RALYL: variants seen among roughly 807,000 people sequenced by gnomAD.
RALYL encodes the protein RALY RNA binding protein like.
RALYL carries 29 observed loss-of-function variants against 35.1 expected under a neutral mutation model. The observed-to-expected ratio is 0.83, with a 90% CI of 0.61 to 1.13. The LOEUF is 1.13. Among genes scored for constraint, RALYL ranks in the 50% most tolerant of loss-of-function variants. The probability of loss-of-function intolerance (pLI) is 0.00; values close to 1 mark genes in which losing one functional copy is unlikely to be tolerated. For missense variants in RALYL, 359 were observed against 360.4 expected (o/e 1.00, Z 0.03); for synonymous variants, 120 against 127.6 (o/e 0.94, Z 0.40).
intron 1 of RALYL, among the ~76,000 whole-genome samples, chr8:84,386,838 T>G (rs1859311616): frequency 6.6e-6 from 1 of 151,888 alleles, no homozygotes; most frequent in Non-Finnish European, 1.5e-5. Flanking sequence ...ATTCTAAACC[T>G]CACGGAGAGC....
rs754063697 is a variant in RALYL, at chr8:84,862,436, G to C, written c.554G>C (p.Gly185Ala). The change falls in exon 6 of 9, where the codon GGG becomes GCG. Residue 185 changes from glycine to alanine, a missense_variant. Physicochemically the swap from Gly to Ala is moderately conservative, Grantham distance 60 (BLOSUM62 0). Coordinates refer to ENST00000521268, the MANE Select transcript of RALYL (RefSeq NM_173848.7). The part of the protein sequence containing the change: ...MKGGSRSTAS[G>A]STGSKLKSDE... ...GGTGGATCGAGATCTACTGCCAGTG[G>C]GTCAACAGGTTCTAAATGTAAGTAA... is the stretch of plus-strand genomic sequence containing the variant. 4 of 1,597,830 alleles carry C rather than the reference G, an allele frequency of 2.5e-6. No homozygotes were observed. Among genetic ancestry groups the C allele is most frequent in the Non-Finnish European group, 3.4e-6 (4 of 1,173,756 alleles).
intron 1 of RALYL, among the ~76,000 whole-genome samples, chr8:84,325,884 C>G (rs1398545041): frequency 6.6e-6 from 1 of 152,098 alleles, no homozygotes; most frequent in African/African-American, 2.4e-5. Context: ...AATTCTTACA[C>G]TTTGGGAGGC....
At chr8:84,336,853 G>A (rs1486985751) in intron 1 of RALYL, among the ~76,000 whole-genome samples, 1 of 151,984 alleles carries the variant, frequency 6.6e-6, no homozygotes, top group Non-Finnish European at 1.5e-5. Flanking sequence ...ATGTAGTGGA[G>A]CAGAAATGAT....
intron 1 of RALYL, among the ~76,000 whole-genome samples, chr8:84,236,754 T>C (rs186857216): frequency 1.3e-5 from 2 of 152,152 alleles, no homozygotes; most frequent in South Asian, 2.1e-4. Context: ...TTTCACTGTG[T>C]CAAAAAATGA....
At chr8:84,254,132 G>T (rs1028958439) in intron 1 of RALYL, among the ~76,000 whole-genome samples, 1 of 152,186 alleles carries the variant, frequency 6.6e-6, no homozygotes, top group Non-Finnish European at 1.5e-5. Context: ...ACTTCCCAGA[G>T]ATTGTAACTT....
chr8:84,414,570 C>T (rs2044433796), intron 1 of RALYL, among the ~76,000 whole-genome samples: 1 of 152,042 alleles, frequency 6.6e-6, no homozygotes, highest in African/African-American at 2.4e-5. Context: ...TGATTTCGAG[C>T]ATATTTGACG....
chr8:84,472,502 A>C (rs1352121806), intron 1 of RALYL, among the ~76,000 whole-genome samples: 1 of 152,208 alleles, frequency 6.6e-6, no homozygotes, highest in Non-Finnish European at 1.5e-5. Context: ...GAGGTCAAGA[A>C]ATGTACCTTA....
At chr8:84,439,609 G>C (rs556629253) in intron 1 of RALYL, among the ~76,000 whole-genome samples, 1 of 151,842 alleles carries the variant, frequency 6.6e-6, no homozygotes, top group Admixed American at 6.6e-5. Context: ...TATTTTCTGC[G>C]TCATGGAGAT....
intron 1 of RALYL, among the ~76,000 whole-genome samples, chr8:84,343,475 T>A (rs796066646): frequency 3.4e-4 from 52 of 152,270 alleles, no homozygotes; most frequent in African/African-American, 1.1e-3. Flanking sequence ...ATAAGCCGTC[T>A]TATATTTTAC....
At chr8:84,676,955 C>T (rs1000656435) in intron 2 of RALYL, among the ~76,000 whole-genome samples, 4 of 152,108 alleles carry the variant, frequency 2.6e-5, no homozygotes, top group Non-Finnish European at 4.4e-5. Flanking sequence ...GCACATGCCA[C>T]CACACCTGGC....
rs376464232 is a variant in RALYL at position 84,488,280 on chromosome 8, C to T, written c.-23-41019C>T. ...AATATTGCACTTGTCCAATTAATTG[C>T]ATGAGTTATCCCCTATCTATTTTAC... On this transcript the variant is annotated intron_variant, in intron 1 of 8. Transcript: ENST00000521268. Among the ~76,000 whole-genome samples, 120 of 152,176 alleles carry T rather than the reference C, an allele frequency of 7.9e-4. 1 individual carries two copies. The Middle Eastern group carries it at 0.01, about 13-fold the overall frequency.
chr8:84,875,513 C>T (rs1367151310), intron 7 of RALYL, among the ~76,000 whole-genome samples: 1 of 149,396 alleles, frequency 6.7e-6, no homozygotes, highest in Non-Finnish European at 1.5e-5. Context: ...TAAACTTTTA[C>T]AGTCATGAGA....
chr8:84,527,033 A>C (rs1215027569), intron 1 of RALYL, among the ~76,000 whole-genome samples: 1 of 152,212 alleles, frequency 6.6e-6, no homozygotes, highest in Admixed American at 6.5e-5. Flanking sequence ...GTAATAGAAA[A>C]GATATTAAAC....
At chr8:84,544,076 C>T (rs2060197389) in intron 2 of RALYL, among the ~76,000 whole-genome samples, 1 of 151,788 alleles carries the variant, frequency 6.6e-6, no homozygotes, top group African/African-American at 2.4e-5. Flanking sequence ...GCAGAATATT[C>T]CAGAGAATAT....
At chr8:84,800,635 T>G (rs1046550661) in intron 3 of RALYL, among the ~76,000 whole-genome samples, 1 of 83,824 alleles carries the variant, frequency 1.2e-5, no homozygotes, top group South Asian at 5.9e-4. Context: ...AAGTAAATCT[T>G]AGGAAAGATA....
rs1374536708 is a variant in RALYL at position 84,184,087 on chromosome 8, C to T, written c.-361C>T. ...TTTTGGAAGCCGGTGAAAACAAATT[C>T]GTTTTTTTTCCCTCCTGTTTTTGAT... On this transcript the variant is annotated 5_prime_UTR_variant, in exon 1 of 9. Coordinates refer to ENST00000521268, the MANE Select transcript of RALYL (RefSeq NM_173848.7). 6.6e-6 allele frequency: 1 copy of T among 152,004 alleles called. No individual in the cohort carries two copies. The highest frequency in any genetic ancestry group is 1.5e-5 in the Non-Finnish European group (1 of 67,984). The allele number at this position is 152,004 out of a possible 1,614,324, so 9.4% of individuals were successfully genotyped here.
At chr8:84,711,666 G>A (rs888311262) in intron 2 of RALYL, among the ~76,000 whole-genome samples, 1 of 152,126 alleles carries the variant, frequency 6.6e-6, no homozygotes, top group African/African-American at 2.4e-5. Flanking sequence ...CAATTGATGT[G>A]TAAAATTGGT....
chr8:84,469,578 G>T (rs1444501620), intron 1 of RALYL, among the ~76,000 whole-genome samples: 1 of 152,202 alleles, frequency 6.6e-6, no homozygotes, highest in Non-Finnish European at 1.5e-5. Flanking sequence ...AGTCTGCAGA[G>T]GTTACTGCTG....
At chr8:84,798,840 A>T (rs975522835) in intron 3 of RALYL, among the ~76,000 whole-genome samples, 2 of 152,224 alleles carry the variant, frequency 1.3e-5, no homozygotes, top group African/African-American at 4.8e-5. Flanking sequence ...AAAAAGCAGG[A>T]TGCGGGAAAG....
Sources: allele counts gnomAD v4.1 joint callset (sites outside exome capture counted in the v4.1 genomes callset), GRCh38; gene constraint gnomAD v4.1.1; transcripts MANE v1.5; gene names NCBI Gene and HGNC (gene_info 2026-07-23, HGNC 2026-07-21).